Variants in SLC9B2 observed in about 807,000 individuals in gnomAD.
The protein encoded by SLC9B2 is sodium/hydrogen exchanger 9B2.
SLC9B2 carries 39 observed loss-of-function variants against 52.2 expected under a neutral mutation model. The ratio of observed to expected loss-of-function variants is 0.75; its 90% CI spans 0.58 to 0.98. The LOEUF is 0.98. SLC9B2 is among the 50% of genes least tolerant of loss of function. The pLI, the probability that SLC9B2 is intolerant of heterozygous loss-of-function variation, is 0.00. For synonymous variants in SLC9B2, 214 were observed against 227.0 expected (o/e 0.94, Z 0.51); for missense variants, 626 against 637.5 (o/e 0.98, Z 0.19).
rs370862927 is a variant in SLC9B2, at chr4:103,047,189, G to A, written c.751C>T (p.Pro251Ser). Reference protein sequence around the residue: ...LGAVSPAVVVPSMLLLQGGGY... With the variant: ...LGAVSPAVVVSSMLLLQGGGY... ...CCTCCCTGCAAAAGGAGCATTGAAG[G>A]CACCACAACAGCTGGAGATACAGCA... is the stretch of plus-strand genomic sequence containing the variant. Residue 251 changes from proline to serine, a missense_variant, in exon 7 of 12, where the codon CCT becomes TCT. Pro to Ser is a moderately conservative substitution (Grantham distance 74, BLOSUM62 -1). Transcript: ENST00000394785. The A allele has an allele frequency of 8.4e-5, 136 of 1,613,578 alleles. No individual in the cohort carries two copies. The highest frequency in any genetic ancestry group is 1.1e-4 in the Non-Finnish European group (131 of 1,179,816).
At chr4:103,066,795 C>T (rs1746173450) in intron 2 of SLC9B2, among the ~76,000 whole-genome samples, 1 of 151,992 alleles carries the variant, frequency 6.6e-6, no homozygotes, top group Non-Finnish European at 1.5e-5. Context: ...TGACATGACA[C>T]ACAAGTGAAA....
intron 3 of SLC9B2, among the ~76,000 whole-genome samples, chr4:103,060,888 C>A (rs77536217): frequency 0.013 from 1,993 of 152,234 alleles, 41 homozygotes; most frequent in African/African-American, 0.042. Flanking sequence ...TTTTTATTGG[C>A]GACTCCACAC....
rs752390762 is a variant in SLC9B2, at chr4:103,026,375, C to T, written c.1609G>A (p.Val537Ile). The T allele has an allele frequency of 6.2e-7, 1 of 1,608,482 alleles. No individual in the cohort carries two copies. The highest frequency in any genetic ancestry group is 8.5e-7 in the Non-Finnish European group (1 of 1,176,972). ...AGCACTCTCTCTTTTCACCTCTAAA[C>T]TTGCACAGAAGTCTCTCCTTGAACT... ...EEVQGETSVQ[V>I] is the part of the protein sequence containing the mutation. Residue 537 changes from valine (V) to isoleucine (I), a missense_variant, in exon 12 of 12, where the codon GTT (valine) becomes ATT (isoleucine). By Grantham distance (29) the Val-to-Ile change is conservative. Transcript: ENST00000394785.
In SLC9B2 at chr4:103,048,860, C is replaced by T; in HGVS notation, c.713+33G>A. On this transcript the variant is annotated intron_variant, in intron 6 of 11. Transcript: ENST00000394785. ...TCAGGGAAAGCCCTAAATGTCCCTA[C>T]ATATTTTCATATGACAAAGAAACAA... The T allele has an allele frequency of 3.1e-6, 5 of 1,609,668 alleles. No individual in the cohort carries two copies. In the South Asian group the frequency reaches 4.4e-5, roughly 14 times the overall value.
Position 103,047,301 on chromosome 4 carries a change from T to C in SLC9B2, c.714-75A>G, listed in dbSNP as rs932627342. The stretch of plus-strand genomic sequence containing the variant: ...ATTTTGAAATTATAATGCCCTCCAC[T>C]TTTTAGGGGTTATACTTGGACAACA... On this transcript the variant is annotated intron_variant, in intron 6 of 11. Transcript: ENST00000394785. 6.2e-5 allele frequency: 79 copies of C among 1,273,370 alleles called. No homozygotes were observed. The Middle Eastern group carries it at 1.8e-3, about 28-fold the overall frequency. The allele number at this position is 1,273,370 out of a possible 1,614,324, so 78.9% of individuals were successfully genotyped here. A position where few individuals can be genotyped will look rare whatever the true frequency, so the allele number is the denominator to read the frequency against.
intron 11 of SLC9B2, among the ~76,000 whole-genome samples, chr4:103,028,458 C>T (rs760514035): frequency 3.9e-4 from 59 of 152,002 alleles, no homozygotes; most frequent in South Asian, 1.0e-3. Context: ...TACAGAGTGC[C>T]GACTGATGAA....
downstream of SLC9B2, among the ~76,000 whole-genome samples, chr4:103,018,157 T>C (rs554735666): frequency 1.1e-4 from 16 of 152,312 alleles, no homozygotes; most frequent in South Asian, 3.3e-3. Flanking sequence ...TTAAACAGGA[T>C]GAGTACAAAA....
chr4:103,018,653 G>A (rs1158339698), downstream of SLC9B2, among the ~76,000 whole-genome samples: 4 of 104,758 alleles, frequency 3.8e-5, no homozygotes, highest in East Asian at 1.0e-3. Context: ...CAGGCTCTAG[G>A]ACACCCATAG....
At chr4:103,033,883 A>G (rs1256066559) in intron 9 of SLC9B2, among the ~76,000 whole-genome samples, 1 of 152,206 alleles carries the variant, frequency 6.6e-6, no homozygotes, top group Non-Finnish European at 1.5e-5. Context: ...CATATTGTCC[A>G]AGGCTATTTA....
intron 7 of SLC9B2, among the ~76,000 whole-genome samples, chr4:103,045,903 G>A (rs139883581): frequency 1.4e-3 from 218 of 152,264 alleles, no homozygotes; most frequent in African/African-American, 5.1e-3. Flanking sequence ...TGTTTTAAAG[G>A]TATATACCAG....
chr4:103,027,676 C>T (rs1742344159), intron 11 of SLC9B2, among the ~76,000 whole-genome samples: 1 of 152,088 alleles, frequency 6.6e-6, no homozygotes, highest in South Asian at 2.1e-4. Context: ...TAGTTGCTCA[C>T]AAAAACATGA....
chr4:103,043,360 C>T lies in SLC9B2; in HGVS notation c.1082G>A (p.Gly361Glu), dbSNP rs868309988. The T allele has an allele frequency of 6.2e-6, 10 of 1,613,748 alleles. No homozygotes were observed. The Admixed American group carries it at 1.3e-4, about 22-fold the overall frequency. ...VFSSVHFGFP[G>E]SGGLCTLVMA... ...GACCAACGTGCACAGTCCTCCTGATCCAGGGAAACCAAAATGCACACTGCT... is the reference window on the plus strand; with the variant it reads ...GACCAACGTGCACAGTCCTCCTGATTCAGGGAAACCAAAATGCACACTGCT... Residue 361 changes from glycine (G) to glutamate (E), a missense_variant, in exon 9 of 12, where the codon GGA becomes GAA. Coordinates refer to ENST00000394785, the MANE Select transcript of SLC9B2 (RefSeq NM_178833.7).
rs145633390 is a variant in SLC9B2 at position 103,058,679 on chromosome 4, G to A, written c.272-708C>T. Among the ~76,000 whole-genome samples, 1,141 of 152,212 alleles carry A rather than the reference G, an allele frequency of 7.5e-3. 15 individuals are homozygous for A. Among genetic ancestry groups the A allele is most frequent in the African/African-American group, 0.026 (1,085 of 41,524 alleles). ...AGCCTTCCAAAGTGCTGGGATTACT[G>A]GTGTGAACCTCCTCATCCAGCCTCA... is the stretch of plus-strand genomic sequence containing the variant. On this transcript the variant is annotated intron_variant, in intron 3 of 11. Transcript: ENST00000394785.
At chr4:103,030,196 T>C (rs1293782844) in intron 10 of SLC9B2, among the ~76,000 whole-genome samples, 1 of 152,034 alleles carries the variant, frequency 6.6e-6, no homozygotes, top group Non-Finnish European at 1.5e-5. Flanking sequence ...TAGAGATAAA[T>C]AGTTTGGAAT....
intron 3 of SLC9B2, among the ~76,000 whole-genome samples, chr4:103,059,574 C>T (rs192551202): frequency 1.4e-4 from 22 of 152,310 alleles, no homozygotes; most frequent in East Asian, 5.8e-4. Flanking sequence ...ACAGAGATTT[C>T]GTCCTTTAAA....
chr4:103,037,799 C>A (rs1315988111), intron 9 of SLC9B2, among the ~76,000 whole-genome samples: 3 of 152,056 alleles, frequency 2.0e-5, no homozygotes, highest in Non-Finnish European at 4.4e-5. Flanking sequence ...TAACATCCTT[C>A]CACATATCTT....
intron 1 of SLC9B2, among the ~76,000 whole-genome samples, chr4:103,071,282 C>A (rs937942679): frequency 6.6e-6 from 1 of 151,984 alleles, no homozygotes; most frequent in African/African-American, 2.4e-5. Context: ...TGGCTCACTG[C>A]AACCTCCGCC....
Position 103,066,356 on chromosome 4 carries a change from T to C in SLC9B2, c.242A>G (p.His81Arg), listed in dbSNP as rs200766604. ...TGTTATGACCCTGTCCAGTAAACCA[T>C]GTGGAGGGCAAGCCAGCATTTGTCT... ...RLRQMLACPP[H>R]GLLDRVITNV... The change falls in exon 3 of 12, where the codon CAT (histidine) becomes CGT (arginine). Residue 81 changes from histidine (H) to arginine (R), a missense_variant. Transcript: ENST00000394785. The C allele has an allele frequency of 3.0e-5, 48 of 1,613,918 alleles. 1 individual carries two copies. Among genetic ancestry groups the C allele is most frequent in the South Asian group, 3.0e-4 (27 of 91,070 alleles).
In SLC9B2 at chr4:103,031,706, T is replaced by C; in HGVS notation, c.1249A>G (p.Thr417Ala). Residue 417 changes from threonine (T) to alanine (A), a missense_variant, in exon 10 of 12, where the codon ACT becomes GCT. Thr to Ala is a moderately conservative substitution (Grantham distance 58). Transcript: ENST00000394785. Reference protein sequence around the residue: ...EVSIASLRPETVGLCVATVGI... With the variant: ...EVSIASLRPEAVGLCVATVGI... ...CACATTTTGAAATTCTTACCTACAG[T>C]TTCTGGTCTGAGAGATGCAATAGAT... 6.2e-7 allele frequency: 1 copy of C among 1,611,148 alleles called. No individual in the cohort carries two copies. The highest frequency in any genetic ancestry group is 8.5e-7 in the Non-Finnish European group (1 of 1,178,474).
Sources: allele counts gnomAD v4.1 joint callset (sites outside exome capture counted in the v4.1 genomes callset), GRCh38; gene constraint gnomAD v4.1.1; transcripts MANE v1.5; gene names NCBI Gene and HGNC (gene_info 2026-07-23, HGNC 2026-07-21).